Variants in TCF3 observed in about 807,000 individuals in gnomAD.
The protein encoded by TCF3 is transcription factor E2-alpha.
A neutral mutation model predicts 72.3 loss-of-function variants in TCF3; 54 were observed. The observed-to-expected ratio is 0.75, with a 90% CI of 0.60 to 0.94. The LOEUF is 0.94. Among genes scored for constraint, TCF3 ranks in the 40% least tolerant of loss-of-function variants. The pLI, the probability that TCF3 is intolerant of heterozygous loss-of-function variation, is 0.00. For missense variants in TCF3, 1,078 were observed against 934.4 expected, an observed-to-expected ratio of 1.15 and a Z score of -2.00; for synonymous variants, 525 against 412.6, an observed-to-expected ratio of 1.27 and a Z score of -3.30.
At chr19:1,619,065 C>T in intron 16 of TCF3, 46 bp downstream of exon 16, 2 of 1,598,312 alleles carry the variant, frequency 1.3e-6, no homozygotes. Context: ...CCTCAGTTTC[C>T]CCAACTGGAA....
chr19:1,621,674 T>C (rs1271823612), intron 11 of TCF3, among the ~76,000 whole-genome samples, 164 bp downstream of exon 11: 2 of 152,304 alleles, frequency 1.3e-5, no homozygotes, highest in Middle Eastern at 3.4e-3. Context: ...CCAACGCACG[T>C]GGCAGGCCCT....
At chr19:1,635,117 G>A (rs1047028059) in intron 3 of TCF3, among the ~76,000 whole-genome samples, 1 of 152,144 alleles carries the variant, frequency 6.6e-6, no homozygotes, top group East Asian at 1.9e-4. Flanking sequence ...CCTGTGTACC[G>A]CCCCTGCCAA....
At chr19:1,636,187 C>T (rs915206101) in intron 3 of TCF3, among the ~76,000 whole-genome samples, 1 of 151,978 alleles carries the variant, frequency 6.6e-6, no homozygotes, top group Non-Finnish European at 1.5e-5. Flanking sequence ...TGCTTTGAGA[C>T]AGGGTCTTGT....
intron 2 of TCF3, among the ~76,000 whole-genome samples, chr19:1,647,676 G>A (rs770149453): frequency 5.3e-5 from 8 of 152,152 alleles, no homozygotes; most frequent in Non-Finnish European, 1.2e-4. Flanking sequence ...CTCTCATTTG[G>A]GAAACAAAGG....
At chr19:1,617,550 C>T (rs949287761) in intron 16 of TCF3, among the ~76,000 whole-genome samples, 5 of 152,356 alleles carry the variant, frequency 3.3e-5, no homozygotes, top group South Asian at 2.1e-4. Flanking sequence ...TCAGGGCTCA[C>T]ATGGAGCAAA....
intron 7 of TCF3, 53 bp downstream of exon 7, chr19:1,625,523 C>T: frequency 6.7e-7 from 1 of 1,500,898 alleles, no homozygotes; most frequent in Non-Finnish European, 8.9e-7. Context: ...TCCTACCTCC[C>T]TTTGCAGGCT....
chr19:1,650,873 G>C (rs762227846), intron 1 of TCF3: 3 of 232,096 alleles, frequency 1.3e-5, no homozygotes, highest in Admixed American at 5.6e-5. Flanking sequence ...GCCGGGGGTG[G>C]GGGGGACGCG....
chr19:1,609,730 G>C lies in TCF3; in HGVS notation c.*1977C>G. 4.4e-6 allele frequency: 1 copy of C among 229,082 alleles called. No homozygotes were observed. The highest frequency in any genetic ancestry group is 8.6e-6 in the Non-Finnish European group (1 of 115,642). The allele number at this position is 229,082 out of a possible 1,614,324, so 14.2% of individuals were successfully genotyped here. A position where few individuals can be genotyped will look rare whatever the true frequency, so the allele number is the denominator to read the frequency against. On this transcript the variant is annotated 3_prime_UTR_variant, in exon 19 of 19. Transcript: ENST00000262965. ...CAGCCCCTCCCCTCCGCCTGGCCTG[G>C]ACTGGGGGCAGATACCAGGCATTGA...
rs748050498 is a variant in TCF3, at chr19:1,623,997, G to C, written c.503C>G (p.Thr168Arg). 1.2e-6 allele frequency: 2 copies of C among 1,613,316 alleles called. No individual in the cohort carries two copies. The highest frequency in any genetic ancestry group is 2.2e-5 in the East Asian group (1 of 44,886). ...GACCTTCCGGACCTTCTTGGGCTGC[G>C]TGTCTGTTAGAAGCAAAAGGGGTGA... ...RRRAADGSLD[T>R]QPKKVRKVPP... The change falls in exon 8 of 19, where the codon ACG (threonine) becomes AGG (arginine). Residue 168 changes from threonine (T) to arginine (R), a missense_variant. Coordinates refer to ENST00000262965, the MANE Select transcript of TCF3 (RefSeq NM_003200.5).
Position 1,621,870 on chromosome 19 carries a change from G to A in TCF3, c.923C>T (p.Thr308Met), listed in dbSNP as rs1477354195. The change falls in exon 11 of 19, where the codon ACG becomes ATG. Residue 308 changes from threonine (T) to methionine (M), a missense_variant. Thr to Met is a moderately conservative substitution (Grantham distance 81). Transcript: ENST00000262965. ...GCTGTCGGCCCCGCTGACAGGCGGC[G>A]TGTGGCTGGAGACGCCGCCGTACGT... ...GATYGGVSSH[T>M]PPVSGADSLL... 3.8e-6 allele frequency: 6 copies of A among 1,594,500 alleles called. No individual in the cohort carries two copies. The highest frequency in any genetic ancestry group is 1.3e-5 in the African/African-American group (1 of 74,848).
At chr19:1,624,039 A>T (rs374660398) in intron 7 of TCF3, 39 bp from the exon 8 acceptor site, 78 of 1,605,432 alleles carry the variant, frequency 4.9e-5, no homozygotes, top group Non-Finnish European at 6.1e-5. Context: ...GCCACCGGCC[A>T]TGAGAACAAC....
intron 13 of TCF3, among the ~76,000 whole-genome samples, chr19:1,620,396 G>A (rs72989730): frequency 0.069 from 10,533 of 152,210 alleles, 520 homozygotes; most frequent in Non-Finnish European, 0.096. Context: ...TCCTCACAGG[G>A]ATAGGAGGGT....
Position 1,614,491 on chromosome 19 carries a change from G to A in TCF3, c.1822+794C>T, listed in dbSNP as rs1237918396. Among the ~76,000 whole-genome samples the A allele has an allele frequency of 2.0e-5, 3 of 152,214 alleles. No individual in the cohort carries two copies. Among genetic ancestry groups the A allele is most frequent in the Non-Finnish European group, 2.9e-5 (2 of 68,036 alleles). ...TGGAGGGGAGGGCGGAAGGCAGACA[G>A]CAGAGAGGCGGGCTTGGGGGGCGCG... On this transcript the variant is annotated intron_variant, in intron 18 of 18. Coordinates refer to ENST00000262965, the MANE Select transcript of TCF3 (RefSeq NM_003200.5). The surrounding 1 kb of genome is among the most constrained non-coding windows in gnomAD (Gnocchi z 5.6).
intron 3 of TCF3, among the ~76,000 whole-genome samples, chr19:1,644,405 C>A (rs562015507): frequency 1.2e-4 from 18 of 152,182 alleles, no homozygotes; most frequent in Non-Finnish European, 2.2e-4. Context: ...GAGGGGGTCA[C>A]CCCTCTGTGT....
intron 2 of TCF3, among the ~76,000 whole-genome samples, chr19:1,648,504 C>T (rs980528690): frequency 3.9e-5 from 6 of 152,160 alleles, no homozygotes; most frequent in African/African-American, 1.4e-4. Context: ...TCCCCCCAAA[C>T]GCTGGTCTGT....
intron 13 of TCF3, among the ~76,000 whole-genome samples, chr19:1,620,759 G>C (rs1382984204): frequency 6.6e-6 from 1 of 152,196 alleles, no homozygotes; most frequent in African/African-American, 2.4e-5. Context: ...AAGCCCATGG[G>C]GGACTCCCTT....
rs1445820025 is a variant in TCF3 at position 1,612,399 on chromosome 19, C to T, written c.1823-550G>A. 2 of 1,612,592 alleles carry T rather than the reference C, an allele frequency of 1.2e-6. No individual in the cohort carries two copies. The highest frequency in any genetic ancestry group is 1.7e-6 in the Non-Finnish European group (2 of 1,179,184). ...ATGCGCCTCTCCCGGTCCCTCAGGTCTTTCTCCTCCAGGGACAGCACCTCG... is the reference window on the plus strand; with the variant it reads ...ATGCGCCTCTCCCGGTCCCTCAGGTTTTTCTCCTCCAGGGACAGCACCTCG... On this transcript the variant is annotated intron_variant, in intron 18 of 18. Coordinates refer to ENST00000262965, the MANE Select transcript of TCF3 (RefSeq NM_003200.5).
intron 1 of TCF3, 139 bp from the exon 2 acceptor site, chr19:1,650,426 G>C: frequency 3.2e-6 from 2 of 618,256 alleles, no homozygotes; most frequent in Admixed American, 3.0e-5. Context: ...GCAGAGCCCT[G>C]GGGGCACGGG....
intron 5 of TCF3, among the ~76,000 whole-genome samples, chr19:1,631,191 G>A (rs1332248674): frequency 6.6e-6 from 1 of 152,168 alleles, no homozygotes; most frequent in Non-Finnish European, 1.5e-5. Flanking sequence ...CCCACAGTGG[G>A]GAAACTGAGG....
Sources: gnomAD v4.1 joint callset for allele counts (sites outside exome capture counted in the v4.1 genomes callset) on GRCh38, gnomAD v4.1.1 for gene constraint, Gnocchi (gnomAD v3.1) non-coding constraint, MANE v1.5 for transcripts, NCBI Gene and HGNC (gene_info 2026-07-23, HGNC 2026-07-21) for gene names.